SNX30: variants seen among roughly 807,000 people sequenced by gnomAD.
SNX30 encodes the protein sorting nexin family member 30.
A neutral mutation model predicts 46.4 loss-of-function variants in SNX30; 24 were observed. The observed-to-expected ratio is 0.52, with a 90% CI of 0.37 to 0.73. The LOEUF is 0.73. Among genes scored for constraint, SNX30 ranks in the 30% least tolerant of loss-of-function variants. The probability of loss-of-function intolerance (pLI) is 0.00; values close to 1 mark genes in which losing one functional copy is unlikely to be tolerated. For synonymous variants in SNX30, 189 were observed against 211.5 expected, an observed-to-expected ratio of 0.89 and a Z score of 0.92; for missense variants, 533 against 555.7, an observed-to-expected ratio of 0.96 and a Z score of 0.41.
intron 3 of SNX30, among the ~76,000 whole-genome samples, chr9:112,830,235 A>AT (rs1020066292): frequency 3.9e-5 from 6 of 151,962 alleles, no homozygotes; most frequent in Non-Finnish European, 7.4e-5. Context: ...TATAAAAGGT[A>AT]TTTTTTTTAG....
At chr9:112,767,756 A>AT (rs1231037744) in intron 1 of SNX30, among the ~76,000 whole-genome samples, 5 of 151,430 alleles carry the variant, frequency 3.3e-5, no homozygotes, top group East Asian at 1.9e-4. Context: ...TGTCCAGCTA[A>AT]TTTTTTTTAT....
rs972480225 is a variant in SNX30 at position 112,873,054 on chromosome 9, AGTGT to A, written c.*4216_*4219del. ...CTGGTCTCACAGTTACATGTATCAG[AGTGT>A]GTGTAAGTTGTCTGTGTTAGAAAGG... On this transcript the variant is annotated 3_prime_UTR_variant, in exon 9 of 9. Coordinates refer to ENST00000374232, the MANE Select transcript of SNX30 (RefSeq NM_001012994.2). 1 of 152,140 alleles carries A rather than the reference AGTGT, an allele frequency of 6.6e-6. No individual in the cohort carries two copies. The highest frequency in any genetic ancestry group is 2.4e-5 in the African/African-American group (1 of 41,420). 9.4% of individuals were successfully genotyped at this position (152,140 alleles called of 1,614,324 possible).
At chr9:112,784,360 C>A (rs1482176201) in intron 1 of SNX30, among the ~76,000 whole-genome samples, 1 of 152,172 alleles carries the variant, frequency 6.6e-6, no homozygotes, top group African/African-American at 2.4e-5. Context: ...CAGCTTGCTG[C>A]TTAACAGCCG....
At chr9:112,864,422 C>G (rs1015204349) in intron 8 of SNX30, 23 bp downstream of exon 8, 3 of 1,613,630 alleles carry the variant, frequency 1.9e-6, no homozygotes, top group African/African-American at 2.7e-5. Flanking sequence ...CCCAACAAGA[C>G]TGGTTTCTAA....
At chr9:112,811,560 GA>G (rs201012146) in intron 2 of SNX30, among the ~76,000 whole-genome samples, 4 of 151,278 alleles carry the variant, frequency 2.6e-5, no homozygotes, top group African/African-American at 4.9e-5. Context: ...ACTTCTGAAG[GA>G]AAAAAAAATT....
intron 7 of SNX30, among the ~76,000 whole-genome samples, chr9:112,857,346 G>A (rs1841150644): frequency 6.6e-6 from 1 of 152,156 alleles, no homozygotes; most frequent in Non-Finnish European, 1.5e-5. Flanking sequence ...ACTTGACCCT[G>A]TATCAGTGTT....
rs576841335 is a variant in SNX30, at chr9:112,836,424, G to C, written c.814+15G>C. 6 of 1,583,664 alleles carry C rather than the reference G, an allele frequency of 3.8e-6. No homozygotes were observed. The highest frequency in any genetic ancestry group is 2.7e-5 in the African/African-American group (2 of 74,486). ...AGAAGAAATAGGTGAGCTGTCTGTT[G>C]AGGTCTCGATTATGCCCTGCAGCCA... is the stretch of plus-strand genomic sequence containing the variant. On this transcript the variant is annotated intron_variant, in intron 5 of 8. Transcript: ENST00000374232.
At chr9:112,867,942 A>G (rs370442008) in intron 8 of SNX30, among the ~76,000 whole-genome samples, 8 of 152,382 alleles carry the variant, frequency 5.2e-5, no homozygotes, top group African/African-American at 1.9e-4. Context: ...CCAAAGGGCG[A>G]ATCATTTCTG....
At chr9:112,832,430 A>AGAGAG (rs1840674096) in intron 4 of SNX30, among the ~76,000 whole-genome samples, 9 of 79,674 alleles carry the variant, frequency 1.1e-4, no homozygotes, top group Admixed American at 8.5e-4. Context: ...ATAAGTAGGA[A>AGAGAG]AGAGAGAGAG....
intron 1 of SNX30, among the ~76,000 whole-genome samples, chr9:112,756,765 C>G (rs986788391): frequency 3.9e-5 from 6 of 152,186 alleles, no homozygotes; most frequent in African/African-American, 1.4e-4. Context: ...TCGGCTCCTT[C>G]ACCTTTTTAA....
At chr9:112,879,733 A>T, downstream of SNX30, 1 of 1,602,728 alleles carries the variant, frequency 6.2e-7, no homozygotes, top group South Asian at 1.1e-5. Context: ...GCCATGGCTG[A>T]TGTTTTCAGT....
chr9:112,866,711 TTCCTCCCACCTCCTCAGAAC>T (rs1461489139), intron 8 of SNX30, among the ~76,000 whole-genome samples: 1 of 148,992 alleles, frequency 6.7e-6, no homozygotes, highest in East Asian at 2.0e-4. Flanking sequence ...CTCCTGGGAA[TTCCTCCCACCTCCTCAGAAC>T]TCCTCCCACA....
At chr9:112,846,394 C>T (rs967992037) in intron 6 of SNX30, among the ~76,000 whole-genome samples, 1 of 152,096 alleles carries the variant, frequency 6.6e-6, no homozygotes, top group Non-Finnish European at 1.5e-5. Flanking sequence ...ACCAACATTG[C>T]CCCAGGACAT....
chr9:112,813,159 C>T (rs1840345546), intron 2 of SNX30, among the ~76,000 whole-genome samples: 1 of 151,796 alleles, frequency 6.6e-6, no homozygotes, highest in Non-Finnish European at 1.5e-5. Context: ...AAAAAAAACC[C>T]CCCAAAACAA....
chr9:112,825,030 A>G (rs1344318761), intron 3 of SNX30, among the ~76,000 whole-genome samples: 3 of 152,350 alleles, frequency 2.0e-5, no homozygotes, highest in African/African-American at 7.2e-5. Context: ...ATAATGAAGA[A>G]TGCTGCTATC....
At chr9:112,855,879 G>A (rs1841118390) in intron 7 of SNX30, among the ~76,000 whole-genome samples, 1 of 152,186 alleles carries the variant, frequency 6.6e-6, no homozygotes, top group African/African-American at 2.4e-5. Flanking sequence ...GCAGCCTGGT[G>A]TACACCTTAG....
intron 3 of SNX30, among the ~76,000 whole-genome samples, chr9:112,825,929 T>A (rs1329614416): frequency 6.6e-6 from 1 of 152,198 alleles, no homozygotes; most frequent in Non-Finnish European, 1.5e-5. Context: ...CATTTGGAAA[T>A]GATAACGCTT....
At chr9:112,842,950 CAAGTTAA>C (rs1303554168) in intron 6 of SNX30, among the ~76,000 whole-genome samples, 2 of 152,162 alleles carry the variant, frequency 1.3e-5, no homozygotes, top group African/African-American at 2.4e-5. Flanking sequence ...AGCCCAGACT[CAAGTTAA>C]ATACCTCGCA....
intron 3 of SNX30, among the ~76,000 whole-genome samples, chr9:112,829,279 T>A (rs1306072476): frequency 6.6e-6 from 1 of 152,066 alleles, no homozygotes; most frequent in African/African-American, 2.4e-5. Context: ...AAAAAATGTT[T>A]GTTTGTTTGA....
Sources: allele counts gnomAD v4.1 joint callset (sites outside exome capture counted in the v4.1 genomes callset), GRCh38; gene constraint gnomAD v4.1.1; transcripts MANE v1.5; gene names NCBI Gene and HGNC (gene_info 2026-07-23, HGNC 2026-07-21).